The following CIBAR1 variants were observed in gnomAD, a reference collection of about 807,000 sequenced individuals.
The protein encoded by CIBAR1 is CBY1-interacting BAR domain-containing protein 1.
CIBAR1 carries 25 observed loss-of-function variants against 44.0 expected under a neutral mutation model. The ratio of observed to expected loss-of-function variants is 0.57; its 90% CI spans 0.41 to 0.79. The LOEUF (loss-of-function observed/expected upper bound fraction) is 0.79, where lower values mean the gene tolerates loss of function less well. Ranked by LOEUF, CIBAR1 falls within the 30% of genes least tolerant of loss-of-function variation. CIBAR1 has a pLI of 0.00. For synonymous variants in CIBAR1, 115 were observed against 119.0 expected, an observed-to-expected ratio of 0.97 and a Z score of 0.22; for missense variants, 278 against 344.8, an observed-to-expected ratio of 0.81 and a Z score of 1.53.
chr8:93,700,918 G>T (rs1451981787), intron 1 of CIBAR1: 11 of 1,344,432 alleles, frequency 8.2e-6, no homozygotes, highest in African/African-American at 1.5e-5. Context: ...CCACACTGCC[G>T]CGGGCAGTGC....
chr8:93,701,006 A>G (rs1052648740), intron 1 of CIBAR1: 4 of 1,419,764 alleles, frequency 2.8e-6, no homozygotes, highest in African/African-American at 1.4e-5. Context: ...AGTTAAGGCC[A>G]GGCCCACCCG....
At chr8:93,701,601 G>C in intron 2 of CIBAR1, 143 bp downstream of exon 2, 1 of 696,506 alleles carries the variant, frequency 1.4e-6, no homozygotes, top group Non-Finnish European at 2.4e-6. Flanking sequence ...ATAAGACTGT[G>C]TGAGTCTATT....
At chr8:93,707,941 T>C (rs1408980390) in intron 4 of CIBAR1, 70 bp from the exon 5 acceptor site, 2 of 967,254 alleles carry the variant, frequency 2.1e-6, no homozygotes, top group Non-Finnish European at 1.5e-6. Flanking sequence ...ATTCTATGAG[T>C]ATATAAATTT....
At position 93,701,236 on chromosome 8, in the gene CIBAR1, G is replaced by A. The variant is rs1408091537; in HGVS notation, c.39G>A (p.Thr13=). Residue 13 remains threonine (T), a synonymous_variant, in exon 2 of 9, where the codon ACG becomes ACA. Coordinates refer to ENST00000518322, the MANE Select transcript of CIBAR1 (RefSeq NM_145269.5). ...RRTLENRNAQ[T]KQLQTAVSNV... ...ACCTTTTCCCTAGGAACGCTCAAAC[G>A]AAACAACTGCAAACAGCTGTCTCAA... 3.1e-6 allele frequency: 5 copies of A among 1,613,044 alleles called. No individual in the cohort carries two copies. The highest frequency in any genetic ancestry group is 4.2e-6 in the Non-Finnish European group (5 of 1,179,492).
At chr8:93,723,276 G>A (rs978086911) in intron 7 of CIBAR1, among the ~76,000 whole-genome samples, 12 of 152,192 alleles carry the variant, frequency 7.9e-5, no homozygotes, top group African/African-American at 1.2e-4. Flanking sequence ...GACTGCAGGC[G>A]TGAGCCACGG....
At chr8:93,708,801 AAG>A (rs1810704843) in intron 5 of CIBAR1, among the ~76,000 whole-genome samples, 1 of 152,230 alleles carries the variant, frequency 6.6e-6, no homozygotes, top group African/African-American at 2.4e-5. Context: ...GGTAGAAAGA[AAG>A]AGTCTTTGGT....
At chr8:93,717,482 A>G (rs948591690) in intron 6 of CIBAR1, among the ~76,000 whole-genome samples, 12 of 152,308 alleles carry the variant, frequency 7.9e-5, no homozygotes, top group African/African-American at 2.9e-4. Context: ...TCATCGTTAC[A>G]AGTCTTTTTT....
In CIBAR1 at chr8:93,714,282, TAC is replaced by T. The variant is rs1306194914; in HGVS notation, c.544-4391_544-4390del. ...TCAGATTGTCACAAATGTATAGAAATACAGTTGATTTTTGTATACTGACTTAT... is the reference window on the plus strand; with the variant it reads ...TCAGATTGTCACAAATGTATAGAAATAGTTGATTTTTGTATACTGACTTAT... On this transcript the variant is annotated intron_variant, in intron 6 of 8. Coordinates refer to ENST00000518322, the MANE Select transcript of CIBAR1 (RefSeq NM_145269.5). Among the ~76,000 whole-genome samples, 6 of 152,340 alleles carry T rather than the reference TAC, an allele frequency of 3.9e-5. No homozygotes were observed. In the East Asian group the frequency reaches 9.6e-4, roughly 24 times the overall value.
Position 93,728,379 on chromosome 8 carries a change from T to G in CIBAR1, c.*82T>G, listed in dbSNP as rs1024841474. On this transcript the variant is annotated 3_prime_UTR_variant, in exon 9 of 9. Transcript: ENST00000518322. ...AGAACTTTATACTCACTTTGCTATG[T>G]TAAGCCTCAAAGTGAAGTCCAACTG... 9.0e-5 allele frequency: 82 copies of G among 907,340 alleles called. No individual in the cohort carries two copies. In the African/African-American group the frequency reaches 1.3e-3, roughly 14 times the overall value. 56.2% of individuals were successfully genotyped at this position (907,340 alleles called of 1,614,324 possible).
chr8:93,725,509 T>C (rs1373864182), intron 7 of CIBAR1, among the ~76,000 whole-genome samples: 3 of 152,018 alleles, frequency 2.0e-5, no homozygotes, highest in Admixed American at 2.0e-4. Context: ...CAATTGTAGT[T>C]TGTTGATAAA....
At chr8:93,705,724 G>C (rs1810552475) in intron 4 of CIBAR1, among the ~76,000 whole-genome samples, 1 of 152,298 alleles carries the variant, frequency 6.6e-6, no homozygotes, top group East Asian at 1.9e-4. Flanking sequence ...GGCCGAGGCA[G>C]GCAGATCATG....
At position 93,709,887 on chromosome 8, in the gene CIBAR1, A is replaced by G. The variant is rs749356557; in HGVS notation, c.543+12A>G. 2 of 1,566,604 alleles carry G rather than the reference A, an allele frequency of 1.3e-6. No individual in the cohort carries two copies. The highest frequency in any genetic ancestry group is 8.8e-7 in the Non-Finnish European group (1 of 1,142,512). On this transcript the variant is annotated intron_variant, in intron 6 of 8. Coordinates refer to ENST00000518322, the MANE Select transcript of CIBAR1 (RefSeq NM_145269.5). ...TGAAGGATATAAAGGTAATAAAGTA[A>G]CTGTTAGGGTTCAAAACATGTTTTT...
In CIBAR1 at chr8:93,700,821, T is replaced by G. The variant is rs114521964; in HGVS notation, c.26+148T>G. 548 of 1,324,860 alleles carry G rather than the reference T, an allele frequency of 4.1e-4. 2 individuals carry two copies. In the African/African-American group the frequency reaches 8.0e-3, roughly 19 times the overall value. 82.1% of individuals were successfully genotyped at this position (1,324,860 alleles called of 1,614,324 possible). On this transcript the variant is annotated intron_variant, in intron 1 of 8. Transcript: ENST00000518322. ...TCCCCGCTGTGACCTGGGGCCTAAT[T>G]CCTTGGGCTGCAGCCACCGCCGGCG... is the stretch of plus-strand genomic sequence containing the variant.
chr8:93,715,952 A>T (rs1233728532), intron 6 of CIBAR1: 1 of 152,194 alleles, frequency 6.6e-6, no homozygotes, highest in African/African-American at 2.4e-5. Context: ...TTTTAATTTT[A>T]ATATATATTT....
At position 93,728,334 on chromosome 8, in the gene CIBAR1, A is replaced by G. The variant is rs1811634818; in HGVS notation, c.*37A>G. The stretch of plus-strand genomic sequence containing the variant: ...CCATTTTCATCATAAATGACTTGAA[A>G]TCCACAATGACTAAATTGTAGAACT... On this transcript the variant is annotated 3_prime_UTR_variant, in exon 9 of 9. Coordinates refer to ENST00000518322, the MANE Select transcript of CIBAR1 (RefSeq NM_145269.5). The G allele has an allele frequency of 7.4e-7, 1 of 1,342,476 alleles. No individual in the cohort carries two copies. The highest frequency in any genetic ancestry group is 1.3e-5 in the South Asian group (1 of 77,706). The allele number at this position is 1,342,476 out of a possible 1,614,324, so 83.2% of individuals were successfully genotyped here.
chr8:93,715,353 C>A (rs1000162151), intron 6 of CIBAR1: 2 of 152,084 alleles, frequency 1.3e-5, no homozygotes, highest in Non-Finnish European at 2.9e-5. Context: ...AGTGAAGTAG[C>A]TGACATGAGC....
chr8:93,700,946 C>T, intron 1 of CIBAR1: 1 of 1,371,062 alleles, frequency 7.3e-7, no homozygotes, highest in Non-Finnish European at 9.3e-7. Flanking sequence ...TAGGAGGCAG[C>T]CGGGCGCCCA....
At chr8:93,724,480 AT>A (rs1289591663) in intron 7 of CIBAR1, 1 of 552,972 alleles carries the variant, frequency 1.8e-6, no homozygotes, top group African/African-American at 1.9e-5. Context: ...ACGTCCCACT[AT>A]GCCTGGCTAA....
chr8:93,725,346 T>C (rs1811444190), intron 7 of CIBAR1, among the ~76,000 whole-genome samples: 1 of 151,946 alleles, frequency 6.6e-6, no homozygotes, highest in Admixed American at 6.6e-5. Flanking sequence ...TAGGTATAAG[T>C]AGTAGAAAAG....
Sources: gnomAD v4.1 joint callset for allele counts (sites outside exome capture counted in the v4.1 genomes callset) on GRCh38, gnomAD v4.1.1 for gene constraint, MANE v1.5 for transcripts, NCBI Gene and HGNC (gene_info 2026-07-23, HGNC 2026-07-21) for gene names.